Variants in BIRC6 observed in about 807,000 individuals in gnomAD.
BIRC6 encodes the protein baculoviral IAP repeat containing 6, also known as dual E2 ubiquitin-conjugating enzyme/E3 ubiquitin-protein ligase BIRC6.
In BIRC6, 98 loss-of-function variants were observed where a neutral mutation model predicts 503.3. The observed-to-expected ratio is 0.19, with a 90% CI of 0.17 to 0.23. The LOEUF (loss-of-function observed/expected upper bound fraction) is 0.23. Ranked by LOEUF, BIRC6 falls within the 10% of genes least tolerant of loss-of-function variation. BIRC6 has a pLI of 1.00. For synonymous variants in BIRC6, 2,240 were observed against 2,078.7 expected (o/e 1.08, Z -2.11); for missense variants, 5,360 against 5,806.0 (o/e 0.92, Z 2.50).
rs892264779 is a variant in BIRC6, at chr2:32,404,229, G to A, written c.1419-2270G>A. On this transcript the variant is annotated intron_variant, in intron 8 of 73. Transcript: ENST00000421745. ...ACAGGCGTGAGCACCACGCCCAGCC[G>A]CATGTGATTTTTTAAAAAGTTTTAT... Among the ~76,000 whole-genome samples, 7 of 150,726 alleles carry A rather than the reference G, an allele frequency of 4.6e-5. No individual in the cohort carries two copies. In the South Asian group the frequency reaches 6.3e-4, roughly 14 times the overall value.
rs545120515 is a variant in BIRC6, at chr2:32,504,428, G to T, written c.9500-577G>T. Among the ~76,000 whole-genome samples the T allele has an allele frequency of 3.9e-5, 6 of 152,090 alleles. No individual in the cohort carries two copies. In the East Asian group the frequency reaches 1.2e-3, roughly 30 times the overall value. On this transcript the variant is annotated intron_variant, in intron 49 of 73. Transcript: ENST00000421745. ...CATGCCTGTAATCCCAGCACTTTGG[G>T]TGGCCGAGGCGGGTGGATCATGAGG...
intron 73 of BIRC6, 48 bp downstream of exon 73, chr2:32,611,630 A>T: frequency 6.8e-7 from 1 of 1,462,912 alleles, no homozygotes; most frequent in Non-Finnish European, 9.1e-7. Flanking sequence ...AGAGTTGTGT[A>T]ATTATTGACA....
At chr2:32,386,068 G>A (rs1459110079) in intron 3 of BIRC6, among the ~76,000 whole-genome samples, 2 of 152,132 alleles carry the variant, frequency 1.3e-5, no homozygotes, top group South Asian at 2.1e-4. Flanking sequence ...ACCAATCAGC[G>A]TGCTGTCATG....
At chr2:32,533,176 G>A (rs989132361) in intron 61 of BIRC6, among the ~76,000 whole-genome samples, 1 of 152,172 alleles carries the variant, frequency 6.6e-6, no homozygotes, top group Non-Finnish European at 1.5e-5. Flanking sequence ...GGTTTAGAAG[G>A]AAATGAGGAA....
chr2:32,609,114 C>T (rs915633865), intron 72 of BIRC6, among the ~76,000 whole-genome samples: 1 of 152,084 alleles, frequency 6.6e-6, no homozygotes, highest in African/African-American at 2.4e-5. Flanking sequence ...GAATGCCTGA[C>T]CTCAGGTGAT....
intron 21 of BIRC6, among the ~76,000 whole-genome samples, chr2:32,446,757 T>G (rs953100102): frequency 6.6e-5 from 9 of 137,290 alleles, no homozygotes; most frequent in Non-Finnish European, 9.4e-5. Flanking sequence ...TTTTTTTTTT[T>G]TTTTTTTTTT....
intron 72 of BIRC6, among the ~76,000 whole-genome samples, chr2:32,609,092 C>T (rs1451511700): frequency 1.3e-5 from 2 of 152,044 alleles, no homozygotes; most frequent in African/African-American, 4.8e-5. Flanking sequence ...CCATGTTGGC[C>T]AGGCTGGTCT....
chr2:32,539,651 A>G (rs891967269), intron 61 of BIRC6, among the ~76,000 whole-genome samples: 1 of 152,188 alleles, frequency 6.6e-6, no homozygotes, highest in African/African-American at 2.4e-5. Flanking sequence ...GACATGGGAT[A>G]TAGCTACAGC....
intron 9 of BIRC6, among the ~76,000 whole-genome samples, chr2:32,411,426 T>A (rs933809510): frequency 1.6e-3 from 232 of 146,786 alleles, no homozygotes; most frequent in African/African-American, 4.8e-3. Flanking sequence ...TATTTTATTT[T>A]TTTATTTTTT....
chr2:32,389,256 T>C (rs1040337628), intron 4 of BIRC6, among the ~76,000 whole-genome samples: 1 of 152,104 alleles, frequency 6.6e-6, no homozygotes, highest in Non-Finnish European at 1.5e-5. Context: ...AAAATTACTA[T>C]AATTATTTAA....
At chr2:32,561,826 G>A (rs868158004) in intron 65 of BIRC6, among the ~76,000 whole-genome samples, 5 of 150,416 alleles carry the variant, frequency 3.3e-5, no homozygotes, top group Admixed American at 1.3e-4. Context: ...GGCGGATCAC[G>A]AGGTCAGGAG....
rs572652940 is a variant in BIRC6, at chr2:32,569,408, G to A, written c.13145-5748G>A. 3.3e-5 allele frequency among the ~76,000 whole-genome samples: 5 copies of A among 151,772 alleles called. No homozygotes were observed. The East Asian group carries it at 7.7e-4, about 24-fold the overall frequency. ...TTATTTGACAGGGTCTTGCTCCGTC[G>A]CCCAGGCTAGAGTACAGTAGTGCTA... is the stretch of plus-strand genomic sequence containing the variant. On this transcript the variant is annotated intron_variant, in intron 65 of 73. Coordinates refer to ENST00000421745, the MANE Select transcript of BIRC6 (RefSeq NM_016252.4).
intron 28 of BIRC6, 32 bp from the exon 29 acceptor site, chr2:32,468,405 G>T (rs1397186006): frequency 5.4e-6 from 8 of 1,482,536 alleles, no homozygotes; most frequent in South Asian, 1.3e-5. Flanking sequence ...GACATTACAA[G>T]AATTATTTTG....
chr2:32,473,690 C>G lies in BIRC6; in HGVS notation c.6720+451C>G, dbSNP rs192671178. On this transcript the variant is annotated intron_variant, in intron 33 of 73. Transcript: ENST00000421745. The stretch of plus-strand genomic sequence containing the variant: ...TTAATTTTGGTTTCTTTTTCCATGT[C>G]TTTTTTCTCCTTTTTCGTGTGTGTG... Among the ~76,000 whole-genome samples the G allele has an allele frequency of 3.5e-5, 4 of 113,842 alleles. No individual in the cohort carries two copies. In the East Asian group the frequency reaches 1.1e-3, roughly 30 times the overall value. The allele number at this position is 113,842 out of a possible 152,430, so 74.7% of individuals were successfully genotyped here. A position where few individuals can be genotyped will look rare whatever the true frequency, so the allele number is the denominator to read the frequency against.
chr2:32,432,813 G>A (rs1328024797), intron 12 of BIRC6, among the ~76,000 whole-genome samples: 2 of 151,904 alleles, frequency 1.3e-5, no homozygotes, highest in Non-Finnish European at 2.9e-5. Context: ...GTGTTAGCAG[G>A]TTTGAATACA....
At chr2:32,581,431 G>T (rs985708706) in intron 66 of BIRC6, among the ~76,000 whole-genome samples, 1 of 152,144 alleles carries the variant, frequency 6.6e-6, no homozygotes, top group Non-Finnish European at 1.5e-5. Flanking sequence ...TTGTGAGGAA[G>T]AACTTTTAGA....
chr2:32,361,514 C>A (rs2034083200), intron 1 of BIRC6, among the ~76,000 whole-genome samples: 1 of 152,164 alleles, frequency 6.6e-6, no homozygotes, highest in African/African-American at 2.4e-5. Flanking sequence ...GATCTTAGCA[C>A]TAACAATCAT....
intron 72 of BIRC6, among the ~76,000 whole-genome samples, chr2:32,609,013 G>A (rs2062667100): frequency 6.6e-6 from 1 of 151,828 alleles, no homozygotes; most frequent in Non-Finnish European, 1.5e-5. Context: ...CCGAGTAGCT[G>A]GGACTGTGTG....
chr2:32,400,425 G>A (rs1342974712), intron 6 of BIRC6, among the ~76,000 whole-genome samples: 3 of 142,842 alleles, frequency 2.1e-5, no homozygotes, highest in African/African-American at 7.8e-5. Context: ...TGCAGCCTCC[G>A]CCTCCTGGGT....
Sources: gnomAD v4.1 joint callset for allele counts (sites outside exome capture counted in the v4.1 genomes callset) on GRCh38, gnomAD v4.1.1 for gene constraint, MANE v1.5 for transcripts, NCBI Gene and HGNC (gene_info 2026-07-23, HGNC 2026-07-21) for gene names.